PAFAH1B1: variants seen among roughly 807,000 people sequenced by gnomAD.
PAFAH1B1 encodes the protein platelet-activating factor acetylhydrolase IB subunit beta.
A neutral mutation model predicts 57.5 loss-of-function variants in PAFAH1B1; 2 were observed. The ratio of observed to expected loss-of-function variants is 0.03; its 90% confidence interval spans 0.01 to 0.11. The LOEUF is 0.11. PAFAH1B1 is among the 10% of genes least tolerant of loss of function. The pLI is 1.00. For synonymous variants in PAFAH1B1, 152 were observed against 169.6 expected (o/e 0.90, Z 0.81); for missense variants, 257 against 512.0 (o/e 0.50, Z 4.81).
At chr17:2,660,768 G>T (rs1368033901) in intron 2 of PAFAH1B1, among the ~76,000 whole-genome samples, 1 of 152,180 alleles carries the variant, frequency 6.6e-6, no homozygotes, top group African/African-American at 2.4e-5. Flanking sequence ...TATATACCCA[G>T]TAATGGGATT....
At chr17:2,661,385 A>T (rs1226044638) in intron 2 of PAFAH1B1, among the ~76,000 whole-genome samples, 1 of 152,100 alleles carries the variant, frequency 6.6e-6, no homozygotes, top group East Asian at 1.9e-4. Flanking sequence ...CATATGGCTA[A>T]CCAGTTTTTT....
intron 1 of PAFAH1B1, among the ~76,000 whole-genome samples, chr17:2,594,231 C>G (rs1159673333): frequency 6.6e-6 from 1 of 152,110 alleles, no homozygotes; most frequent in Non-Finnish European, 1.5e-5. Context: ...GGGGACTGTC[C>G]GGGGAGGGCG....
chr17:2,643,047 CTCTT>C (rs202099288), intron 2 of PAFAH1B1, among the ~76,000 whole-genome samples: 2,824 of 152,148 alleles, frequency 0.019, 40 homozygotes, highest in Middle Eastern at 0.034. Flanking sequence ...TTATTTCTCC[CTCTT>C]TCTTAAATAA....
intron 8 of PAFAH1B1, chr17:2,676,292 C>T (rs536287963): frequency 2.5e-5 from 12 of 485,624 alleles, no homozygotes; most frequent in Middle Eastern, 1.2e-3. Flanking sequence ...GCAGGAGATT[C>T]GCTTGAACCC....
At chr17:2,634,605 T>C (rs2068598142) in intron 1 of PAFAH1B1, among the ~76,000 whole-genome samples, 1 of 152,254 alleles carries the variant, frequency 6.6e-6, no homozygotes, top group African/African-American at 2.4e-5. Context: ...CTGTCATCTG[T>C]AACCTTCATT....
intron 1 of PAFAH1B1, among the ~76,000 whole-genome samples, chr17:2,600,540 A>G (rs2068129981): frequency 7.0e-6 from 1 of 142,962 alleles, no homozygotes; most frequent in Non-Finnish European, 1.5e-5. Context: ...ATTGCGCTCC[A>G]GCCTGGGCAA....
At chr17:2,675,493 G>A (rs772080166) in intron 8 of PAFAH1B1, among the ~76,000 whole-genome samples, 14 of 152,182 alleles carry the variant, frequency 9.2e-5, no homozygotes, top group South Asian at 6.2e-4. Flanking sequence ...CTCTGGTGGT[G>A]GTTACATGCT....
At chr17:2,627,633 G>T (rs994236067) in intron 1 of PAFAH1B1, among the ~76,000 whole-genome samples, 4 of 152,066 alleles carry the variant, frequency 2.6e-5, no homozygotes, top group African/African-American at 9.7e-5. Context: ...GAAGAATGAT[G>T]GTATTTTGAT....
intron 2 of PAFAH1B1, among the ~76,000 whole-genome samples, chr17:2,656,605 C>T (rs2068939483): frequency 6.6e-6 from 1 of 152,174 alleles, no homozygotes; most frequent in South Asian, 2.1e-4. Context: ...ATATCCTGCT[C>T]TTCAGTGCAG....
At chr17:2,606,407 C>G (rs1484378982) in intron 1 of PAFAH1B1, among the ~76,000 whole-genome samples, 1 of 152,092 alleles carries the variant, frequency 6.6e-6, no homozygotes, top group Non-Finnish European at 1.5e-5. Flanking sequence ...CTCTTGTCGC[C>G]CAGGCTGGAG....
intron 5 of PAFAH1B1, among the ~76,000 whole-genome samples, chr17:2,669,922 ATG>A (rs1010530047): frequency 4.6e-5 from 7 of 152,296 alleles, no homozygotes; most frequent in African/African-American, 1.7e-4. Flanking sequence ...ACAGTTGGTT[ATG>A]TGATAGAAAC....
In PAFAH1B1 at chr17:2,676,754, G is replaced by A. The variant is rs1475477788; in HGVS notation, c.1002+148G>A. ...AGATAGTTTTCCTTTAGCTTTTGTTGTTGTTATAGTGATGTGAAAGTTATT... is the reference window on the plus strand; with the variant it reads ...AGATAGTTTTCCTTTAGCTTTTGTTATTGTTATAGTGATGTGAAAGTTATT... On this transcript the variant is annotated intron_variant, in intron 9 of 10. Transcript: ENST00000397195. 11 of 672,216 alleles carry A rather than the reference G, an allele frequency of 1.6e-5. No individual in the cohort carries two copies. The South Asian group carries it at 1.8e-4, about 11-fold the overall frequency. The allele number at this position is 672,216 out of a possible 1,614,324, so 41.6% of individuals were successfully genotyped here.
intron 9 of PAFAH1B1, 43 bp from the exon 10 acceptor site, chr17:2,680,121 C>T (rs1396423886): frequency 6.4e-7 from 1 of 1,565,880 alleles, no homozygotes; most frequent in Non-Finnish European, 8.8e-7. Context: ...GCTATTTAAA[C>T]ATTTTGCCTT....
chr17:2,641,703 A>G (rs531816914), intron 2 of PAFAH1B1: 2 of 152,156 alleles, frequency 1.3e-5, no homozygotes, highest in Non-Finnish European at 2.9e-5. Flanking sequence ...TCTTTCTCCA[A>G]CAAGCTTTGG....
chr17:2,653,572 C>T (rs951844495), intron 2 of PAFAH1B1, among the ~76,000 whole-genome samples: 1 of 152,142 alleles, frequency 6.6e-6, no homozygotes, highest in Non-Finnish European at 1.5e-5. Flanking sequence ...GAAGAATACT[C>T]TGAGACTGCA....
chr17:2,676,681 T>C, intron 9 of PAFAH1B1, 75 bp downstream of exon 9: 1 of 860,474 alleles, frequency 1.2e-6, no homozygotes, highest in Non-Finnish European at 2.0e-6. Context: ...CTTTATGATA[T>C]CTTAAATAAT....
chr17:2,604,021 C>G (rs1477916016), intron 1 of PAFAH1B1, among the ~76,000 whole-genome samples: 1 of 151,928 alleles, frequency 6.6e-6, no homozygotes, highest in Admixed American at 6.6e-5. Flanking sequence ...CAGGCGTGAG[C>G]CATCGCGCCT....
chr17:2,640,271 C>A (rs1265608756), intron 2 of PAFAH1B1: 1 of 151,900 alleles, frequency 6.6e-6, no homozygotes, highest in Non-Finnish European at 1.5e-5. Flanking sequence ...TCCTTTGTGG[C>A]ACTTTGTTAC....
At chr17:2,628,756 C>A (rs956019630) in intron 1 of PAFAH1B1, among the ~76,000 whole-genome samples, 2 of 152,146 alleles carry the variant, frequency 1.3e-5, no homozygotes, top group African/African-American at 4.8e-5. Context: ...ATTACCGTTT[C>A]AGTGTCACTG....
Sources: allele counts gnomAD v4.1 joint callset (sites outside exome capture counted in the v4.1 genomes callset), GRCh38; gene constraint gnomAD v4.1.1; transcripts MANE v1.5; gene names NCBI Gene and HGNC (gene_info 2026-07-23, HGNC 2026-07-21).